Variants in PLXDC2 observed in about 807,000 individuals in gnomAD.
PLXDC2 encodes plexin domain containing 2.
Under a neutral mutation model 68.9 loss-of-function variants are expected in PLXDC2, and 40 were observed. That is an observed-to-expected ratio of 0.58 (90% CI 0.45 to 0.76). The LOEUF (loss-of-function observed/expected upper bound fraction) is 0.76. Among genes scored for constraint, PLXDC2 ranks in the 30% least tolerant of loss-of-function variants. The pLI is 0.00. For synonymous variants in PLXDC2, 243 were observed against 234.2 expected (o/e 1.04, Z -0.34); for missense variants, 644 against 661.9 (o/e 0.97, Z 0.30).
chr10:20,259,255 C>T (rs550468360), intron 13 of PLXDC2, among the ~76,000 whole-genome samples: 5 of 151,840 alleles, frequency 3.3e-5, no homozygotes, highest in East Asian at 1.9e-4. Flanking sequence ...TATTTTAAAA[C>T]GTTCAGAAAC....
intron 4 of PLXDC2, among the ~76,000 whole-genome samples, chr10:20,090,070 G>T (rs1006243224): frequency 1.3e-5 from 2 of 152,180 alleles, no homozygotes; most frequent in African/African-American, 4.8e-5. Flanking sequence ...CACCACAAAT[G>T]AAGCTGAATC....
chr10:20,007,638 G>A (rs1835048238), intron 2 of PLXDC2, among the ~76,000 whole-genome samples: 1 of 152,242 alleles, frequency 6.6e-6, no homozygotes, highest in South Asian at 2.1e-4. Context: ...CTAGGCCAAT[G>A]CCTCTGAAAC....
intron 1 of PLXDC2, among the ~76,000 whole-genome samples, chr10:19,894,367 G>C (rs749405448): frequency 4.6e-4 from 69 of 151,142 alleles, no homozygotes; most frequent in Non-Finnish European, 5.6e-4. Flanking sequence ...TATATGCCCT[G>C]GTGCCATGAA....
chr10:19,872,790 A>G (rs1481864747), intron 1 of PLXDC2, among the ~76,000 whole-genome samples: 2 of 152,028 alleles, frequency 1.3e-5, no homozygotes, highest in African/African-American at 4.8e-5. Context: ...TGATCATGGG[A>G]CATACTTGTT....
chr10:19,830,588 C>G (rs186730558), intron 1 of PLXDC2, among the ~76,000 whole-genome samples: 1 of 152,322 alleles, frequency 6.6e-6, no homozygotes, highest in Non-Finnish European at 1.5e-5. Context: ...AATGTCCTCT[C>G]CCCACTCTAT....
chr10:20,111,064 G>T (rs1833554343), intron 4 of PLXDC2, among the ~76,000 whole-genome samples: 1 of 152,210 alleles, frequency 6.6e-6, no homozygotes, highest in Admixed American at 6.5e-5. Flanking sequence ...TTATACAACA[G>T]AAATCAGCCA....
intron 12 of PLXDC2, among the ~76,000 whole-genome samples, chr10:20,225,149 GCTT>G (rs1481492529): frequency 6.6e-6 from 1 of 152,050 alleles, no homozygotes; most frequent in African/African-American, 2.4e-5. Flanking sequence ...GTTGCATTTA[GCTT>G]TCTATTTCTG....
chr10:19,972,663 A>G (rs1012469759), intron 1 of PLXDC2, among the ~76,000 whole-genome samples: 3 of 152,226 alleles, frequency 2.0e-5, no homozygotes, highest in African/African-American at 7.2e-5. Context: ...AAAATGATGT[A>G]TCTGGCAATC....
chr10:19,837,105 G>GTTTT (rs139161456), intron 1 of PLXDC2, among the ~76,000 whole-genome samples: 42 of 148,992 alleles, frequency 2.8e-4, no homozygotes, highest in South Asian at 8.5e-4. Flanking sequence ...TGAATTGAAG[G>GTTTT]TTTTTTTTTT....
chr10:20,162,062 GAGAGAGAGA>G lies in PLXDC2; in HGVS notation c.784-2405_784-2397del, dbSNP rs775266354. 2.7e-3 allele frequency among the ~76,000 whole-genome samples: 197 copies of G among 72,792 alleles called. 1 individual carries two copies. The highest frequency in any genetic ancestry group is 6.7e-3 in the African/African-American group (145 of 21,738). 47.8% of individuals were successfully genotyped at this position (72,792 alleles called of 152,430 possible). ...AAAGAAAGAGAGAGAGAGAGAGAGA[GAGAGAGAGA>G]GAAGGAAGGAAGGAAGGAAGGAAGG... On this transcript the variant is annotated intron_variant, in intron 6 of 13. Coordinates refer to ENST00000377252, the MANE Select transcript of PLXDC2 (RefSeq NM_032812.9).
chr10:20,102,851 G>A (rs574266694), intron 4 of PLXDC2, among the ~76,000 whole-genome samples: 3 of 152,166 alleles, frequency 2.0e-5, no homozygotes, highest in Non-Finnish European at 4.4e-5. Flanking sequence ...TAAAGCCACG[G>A]GATAGGACAA....
intron 13 of PLXDC2, among the ~76,000 whole-genome samples, chr10:20,261,201 C>A (rs909725132): frequency 3.9e-5 from 6 of 152,134 alleles, no homozygotes; most frequent in Non-Finnish European, 8.8e-5. Flanking sequence ...TTTATGTAAT[C>A]TCACTTTTTA....
chr10:19,903,983 G>T (rs1228459746), intron 1 of PLXDC2, among the ~76,000 whole-genome samples: 1 of 151,912 alleles, frequency 6.6e-6, no homozygotes, highest in African/African-American at 2.4e-5. Context: ...CCATCTATTT[G>T]TGTGGTTTTG....
At chr10:20,212,331 C>T (rs952654629) in intron 10 of PLXDC2, among the ~76,000 whole-genome samples, 1 of 151,980 alleles carries the variant, frequency 6.6e-6, no homozygotes, top group African/African-American at 2.4e-5. Flanking sequence ...CATTAGTTGG[C>T]ATAGAGAGAT....
intron 4 of PLXDC2, among the ~76,000 whole-genome samples, chr10:20,103,279 A>G (rs1833446331): frequency 6.6e-6 from 1 of 152,228 alleles, no homozygotes; most frequent in African/African-American, 2.4e-5. Context: ...ATTTGTGTTG[A>G]TAACAATGCA....
chr10:20,263,057 C>G (rs1835829202), intron 13 of PLXDC2, among the ~76,000 whole-genome samples: 1 of 152,198 alleles, frequency 6.6e-6, no homozygotes, highest in East Asian at 1.9e-4. Flanking sequence ...AAAAGCAATC[C>G]TGAGCAAAAA....
intron 4 of PLXDC2, among the ~76,000 whole-genome samples, chr10:20,117,358 T>G (rs1833635919): frequency 6.6e-6 from 1 of 152,162 alleles, no homozygotes; most frequent in African/African-American, 2.4e-5. Flanking sequence ...GACTTATAAC[T>G]CCAATGCAAT....
rs1207579846 is a variant in PLXDC2 at position 20,012,328 on chromosome 10, TTTTTTTGG to T, written c.324+10343_324+10350del. Among the ~76,000 whole-genome samples, 173 of 19,954 alleles carry T rather than the reference TTTTTTTGG, an allele frequency of 8.7e-3. 12 individuals carry two copies. The highest frequency in any genetic ancestry group is 0.016 in the Non-Finnish European group (127 of 7,774). The allele number at this position is 19,954 out of a possible 152,430, so 13.1% of individuals were successfully genotyped here. On this transcript the variant is annotated intron_variant, in intron 2 of 13. Coordinates refer to ENST00000377252, the MANE Select transcript of PLXDC2 (RefSeq NM_032812.9). ...CTTTTTTATTTTTTTTTTTTTTTTT[TTTTTTTGG>T]AGAAGGAGACTTGCTGTGTTTCCCA... is the stretch of plus-strand genomic sequence containing the variant.
chr10:20,220,873 C>G (rs1835201652), intron 12 of PLXDC2, among the ~76,000 whole-genome samples: 1 of 134,040 alleles, frequency 7.5e-6, no homozygotes. Flanking sequence ...CCGAGTTTCA[C>G]TTGTTGTTGC....
Sources: gnomAD v4.1 joint callset for allele counts (sites outside exome capture counted in the v4.1 genomes callset) on GRCh38, gnomAD v4.1.1 for gene constraint, MANE v1.5 for transcripts, NCBI Gene and HGNC (gene_info 2026-07-23, HGNC 2026-07-21) for gene names.